FUS: variants seen among roughly 807,000 people sequenced by gnomAD.
FUS encodes FUS RNA binding protein.
Under a neutral mutation model 82.7 loss-of-function variants are expected in FUS, and 5 were observed. That is an observed-to-expected ratio of 0.06 (90% confidence interval 0.03 to 0.13). The LOEUF is 0.13. Ranked by LOEUF, FUS falls within the 10% of genes least tolerant of loss-of-function variation. The pLI, the probability that FUS is intolerant of heterozygous loss-of-function variation, is 1.00. For missense variants in FUS, 512 were observed against 707.8 expected, an observed-to-expected ratio of 0.72 and a Z score of 3.14; for synonymous variants, 281 against 247.4, an observed-to-expected ratio of 1.14 and a Z score of -1.27.
downstream of FUS, chr16:31,194,303 T>TC: frequency 1.9e-6 from 1 of 526,854 alleles, no homozygotes. Context: ...AATTTTTTTT[T>TC]TTTTTTTGAG....
chr16:31,184,235 G>A lies in FUS; in HGVS notation c.362G>A (p.Ser121Asn), dbSNP rs767670793. ...GSYGSSSQSSSYGQPQSGSYS... is the reference protein window; with the variant it reads ...GSYGSSSQSSNYGQPQSGSYS... ...TACGGTAGCAGTTCTCAGAGCAGCA[G>A]CTATGGGCAGCCCCAGAGTGGGAGC... is the stretch of plus-strand genomic sequence containing the variant. Residue 121 changes from serine (S) to asparagine (N), a missense_variant, in exon 5 of 15, where the codon AGC (serine) becomes AAC (asparagine). Ser to Asn is a conservative substitution (Grantham distance 46). Transcript: ENST00000254108. 1.2e-6 allele frequency: 2 copies of A among 1,614,116 alleles called. No individual in the cohort carries two copies. Among genetic ancestry groups the A allele is most frequent in the Admixed American group, 3.3e-5 (2 of 60,024 alleles).
Position 31,184,597 on chromosome 16 carries a change from C to A in FUS, c.523+201C>A, listed in dbSNP as rs184868369. ...TAGCTGGGACTACAGGCATCCGCCA[C>A]CACGCCCGGCTAATTTTTTGTATTT... On this transcript the variant is annotated intron_variant, in intron 5 of 14. Coordinates refer to ENST00000254108, the MANE Select transcript of FUS (RefSeq NM_004960.4). Among the ~76,000 whole-genome samples the A allele has an allele frequency of 3.8e-3, 571 of 152,230 alleles. 4 individuals carry two copies. Among genetic ancestry groups the A allele is most frequent in the African/African-American group, 0.013 (534 of 41,520 alleles).
downstream of FUS, chr16:31,192,968 C>CT (rs1425716925): frequency 2.1e-6 from 1 of 484,172 alleles, no homozygotes; most frequent in South Asian, 1.5e-5. Context: ...GAAACTATGA[C>CT]TTTATTTTTT....
chr16:31,193,053 C>G (rs1033923160), downstream of FUS: 4 of 484,610 alleles, frequency 8.3e-6, no homozygotes, highest in African/African-American at 7.8e-5. Context: ...ACTGCCGCCT[C>G]CTGGGTTCAA....
chr16:31,181,270 C>T (rs1393013307), intron 1 of FUS, among the ~76,000 whole-genome samples: 4 of 152,232 alleles, frequency 2.6e-5, no homozygotes, highest in South Asian at 2.1e-4. Flanking sequence ...CGAGGCCACA[C>T]CCTCTCCTGG....
chr16:31,182,292 A>G (rs918970625), intron 1 of FUS, 106 bp from the exon 2 acceptor site: 35 of 1,353,512 alleles, frequency 2.6e-5, no homozygotes, highest in South Asian at 1.9e-4. Context: ...TGCCTGGCCT[A>G]CGTGGTCCTT....
chr16:31,191,223 G>A (rs1328137929), intron 14 of FUS, 113 bp downstream of exon 14: 28 of 1,499,494 alleles, frequency 1.9e-5, no homozygotes, highest in Non-Finnish European at 2.4e-5. Flanking sequence ...AAGACCTGAG[G>A]TTGTAACCAG....
chr16:31,186,972 G>A (rs2079279806), intron 7 of FUS, 136 bp downstream of exon 7: 4 of 832,408 alleles, frequency 4.8e-6, no homozygotes, highest in African/African-American at 1.7e-5. Flanking sequence ...AAAGGGGTAG[G>A]GTAGAATGCC....
chr16:31,189,856 C>G lies in FUS; in HGVS notation c.1066+62C>G, dbSNP rs78590909. The G allele has an allele frequency of 6.9e-6, 11 of 1,594,078 alleles. 1 individual carries two copies. The highest frequency in any genetic ancestry group is 9.4e-6 in the Non-Finnish European group (11 of 1,173,338). ...ATATAGGGCAGCAAGCCTTAGGAAA[C>G]AAGCCATAGTTTGAGGGTTCTTTTG... On this transcript the variant is annotated intron_variant, in intron 10 of 14. Transcript: ENST00000254108.
At position 31,185,219 on chromosome 16, in the gene FUS, G is replaced by T. The variant is rs756351215; in HGVS notation, c.764+40G>T. ...AGCCAGGGAGTATCTTTGGTGGGGA[G>T]TGTGGAGGATTGCATGAATCTCCCT... On this transcript the variant is annotated intron_variant, in intron 6 of 14. Coordinates refer to ENST00000254108, the MANE Select transcript of FUS (RefSeq NM_004960.4). The T allele has an allele frequency of 8.0e-5, 126 of 1,573,004 alleles. 1 individual carries two copies. In the South Asian group the frequency reaches 1.4e-3, roughly 18 times the overall value.
At chr16:31,189,859 G>A (rs2079326100) in intron 10 of FUS, 65 bp downstream of exon 10, 1 of 1,612,316 alleles carries the variant, frequency 6.2e-7, no homozygotes, top group Non-Finnish European at 8.5e-7. Context: ...TAGGAAACAA[G>A]CCATAGTTTG....
rs1244449911 is a variant in FUS, at chr16:31,183,946, G to C, written c.279G>C (p.Gln93His). The C allele has an allele frequency of 6.2e-7, 1 of 1,613,818 alleles. No homozygotes were observed. ...SSQSSQSSYG[Q>H]QSSYPGYGQQ... ...AGAGCTCCCAATCGTCTTACGGGCAGCAGTCCTCCTACCCTGGCTATGGCC... is the reference window on the plus strand; with the variant it reads ...AGAGCTCCCAATCGTCTTACGGGCACCAGTCCTCCTACCCTGGCTATGGCC... The change falls in exon 4 of 15, where the codon CAG becomes CAC. Residue 93 changes from glutamine to histidine, a missense_variant. Physicochemically the swap from Gln to His is conservative, Grantham distance 24. Coordinates refer to ENST00000254108, the MANE Select transcript of FUS (RefSeq NM_004960.4).
At position 31,188,429 on chromosome 16, in the gene FUS, CTA is replaced by C. The variant is rs2079304003; in HGVS notation, c.832+74_832+75del. 2.6e-6 allele frequency: 4 copies of C among 1,521,934 alleles called. No individual in the cohort carries two copies. The South Asian group carries it at 4.6e-5, about 17-fold the overall frequency. 94.3% of individuals were successfully genotyped at this position (1,521,934 alleles called of 1,614,324 possible). On this transcript the variant is annotated intron_variant, in intron 8 of 14. Transcript: ENST00000254108. Reference sequence around the variant, plus strand: ...AAGACTGCCTGGATGTTCTTTGAAACTATTATAAAAAGGAAACTGAAAAAAAT... The same window carrying C: ...AAGACTGCCTGGATGTTCTTTGAAACTTATAAAAAGGAAACTGAAAAAAAT...
downstream of FUS, chr16:31,193,981 G>C: frequency 1.9e-6 from 1 of 532,616 alleles, no homozygotes; most frequent in Non-Finnish European, 3.6e-6. Context: ...ATTGAAATCT[G>C]TCTTGAAGCA....
chr16:31,188,164 C>G (rs1167465787), intron 7 of FUS, 161 bp from the exon 8 acceptor site: 1 of 736,774 alleles, frequency 1.4e-6, no homozygotes, highest in Non-Finnish European at 2.2e-6. Flanking sequence ...GCAGGCGACC[C>G]AGGAAAGGGT....
At chr16:31,186,602 G>T in intron 6 of FUS, 200 bp from the exon 7 acceptor site, 1 of 623,616 alleles carries the variant, frequency 1.6e-6, no homozygotes, top group Non-Finnish European at 2.9e-6. Flanking sequence ...TATAAACTGT[G>T]TCTGAGAAAT....
chr16:31,184,588 C>T (rs541473919), intron 5 of FUS, among the ~76,000 whole-genome samples, 192 bp downstream of exon 5: 1 of 152,216 alleles, frequency 6.6e-6, no homozygotes, highest in South Asian at 2.1e-4. Flanking sequence ...GGACTACAGG[C>T]ATCCGCCACC....
chr16:31,184,917 A>G, intron 5 of FUS, 22 bp from the exon 6 acceptor site: 1 of 1,598,692 alleles, frequency 6.3e-7, no homozygotes. Flanking sequence ...TTTTTTTTTA[A>G]TCATTCTTTC....
chr16:31,191,377 ATTTT>A lies in FUS; in HGVS notation c.1542-8_1542-5del, dbSNP rs371057360. 3.1e-5 allele frequency: 47 copies of A among 1,525,614 alleles called. No individual in the cohort carries two copies. The highest frequency in any genetic ancestry group is 1.3e-4 in the Admixed American group (7 of 55,362). 94.5% of individuals were successfully genotyped at this position (1,525,614 alleles called of 1,614,324 possible). ...GTAACTCAAATATAATGGATACTTA[ATTTT>A]TTTTTTTTTTTTTGCAGGGGTGAGC... is the stretch of plus-strand genomic sequence containing the variant. On this transcript the variant is annotated intron_variant, in intron 14 of 14. Coordinates refer to ENST00000254108, the MANE Select transcript of FUS (RefSeq NM_004960.4).
Sources: allele counts gnomAD v4.1 joint callset (sites outside exome capture counted in the v4.1 genomes callset), GRCh38; gene constraint gnomAD v4.1.1; transcripts MANE v1.5; gene names NCBI Gene and HGNC (gene_info 2026-07-23, HGNC 2026-07-21).